Variants in CNTLN observed in about 807,000 individuals in gnomAD.
CNTLN encodes centlein, centrosomal protein.
A neutral mutation model predicts 180.0 loss-of-function variants in CNTLN; 212 were observed. The observed-to-expected ratio is 1.18, with a 90% CI of 1.05 to 1.32. The LOEUF (loss-of-function observed/expected upper bound fraction) is 1.32. Ranked by LOEUF, CNTLN falls within the 40% of genes most tolerant of loss-of-function variation. The pLI, the probability that CNTLN is intolerant of heterozygous loss-of-function variation, is 0.00. For synonymous variants in CNTLN, 722 were observed against 563.1 expected (o/e 1.28, Z -3.99); for missense variants, 2,095 against 1,610.9 (o/e 1.30, Z -5.14).
intron 15 of CNTLN, among the ~76,000 whole-genome samples, chr9:17,397,717 C>A (rs556858534): frequency 6.6e-6 from 1 of 152,202 alleles, no homozygotes; most frequent in African/African-American, 2.4e-5. Context: ...TGGAGTTGCT[C>A]TGTTTCAAAC....
intron 1 of CNTLN, among the ~76,000 whole-genome samples, chr9:17,138,875 G>C (rs1282582541): frequency 6.6e-6 from 1 of 152,112 alleles, no homozygotes; most frequent in East Asian, 1.9e-4. Flanking sequence ...TGTTTGTATA[G>C]ATGGTATCTA....
chr9:17,527,816 A>G, the CNTLN span, among the ~76,000 whole-genome samples: 20 of 152,226 alleles, frequency 1.3e-4, no homozygotes, highest in African/African-American at 4.8e-4. Flanking sequence ...TAGTGCCAGA[A>G]GGTAAGACAG....
intron 18 of CNTLN, among the ~76,000 whole-genome samples, chr9:17,424,268 C>G (rs1344143302): frequency 6.6e-6 from 1 of 152,092 alleles, no homozygotes; most frequent in African/African-American, 2.4e-5. Context: ...GTAAGGCAGA[C>G]TATATTGACT....
chr9:17,298,512 T>C lies in CNTLN; in HGVS notation c.1146+160T>C. On this transcript the variant is annotated intron_variant, in intron 7 of 25. Coordinates refer to ENST00000380647, the MANE Select transcript of CNTLN (RefSeq NM_017738.4). ...TGAAGGATGGTTCAATTTGATAACA[T>C]TTAAAATTTTTTGAATTTTCTTTAT... 4 of 1,315,460 alleles carry C rather than the reference T, an allele frequency of 3.0e-6. No individual in the cohort carries two copies. In the South Asian group the frequency reaches 8.7e-5, roughly 28 times the overall value. The allele number at this position is 1,315,460 out of a possible 1,614,324, so 81.5% of individuals were successfully genotyped here. A position where few individuals can be genotyped will look rare whatever the true frequency, so the allele number is the denominator to read the frequency against.
rs1262807145 is a variant in CNTLN at position 17,401,243 on chromosome 9, G to T, written c.2615+6174G>T. 2.6e-5 allele frequency among the ~76,000 whole-genome samples: 4 copies of T among 152,096 alleles called. No individual in the cohort carries two copies. In the East Asian group the frequency reaches 7.7e-4, roughly 29 times the overall value. On this transcript the variant is annotated intron_variant, in intron 15 of 25. Transcript: ENST00000380647. ...CCTTTCATGTTGTTAAGTTTTTGAT[G>T]GATGACCAGACTATATATACATAGC...
chr9:17,185,146 G>T (rs950539258), intron 2 of CNTLN, among the ~76,000 whole-genome samples: 1 of 152,182 alleles, frequency 6.6e-6, no homozygotes, highest in African/African-American at 2.4e-5. Flanking sequence ...GAAATTTTCT[G>T]TTGAAACCTG....
At chr9:17,370,991 G>A (rs911645711) in intron 13 of CNTLN, among the ~76,000 whole-genome samples, 10 of 151,990 alleles carry the variant, frequency 6.6e-5, no homozygotes, top group East Asian at 1.9e-4. Context: ...TAAAATTTTC[G>A]TTTTATTTTA....
At chr9:17,239,343 C>G (rs553662940) in intron 5 of CNTLN, among the ~76,000 whole-genome samples, 1 of 152,186 alleles carries the variant, frequency 6.6e-6, no homozygotes, top group South Asian at 2.1e-4. Flanking sequence ...AATGTCTATT[C>G]AAATCTTTTG....
At position 17,328,869 on chromosome 9, in the gene CNTLN, ATTG is replaced by A. The variant is rs1224510557; in HGVS notation, c.1342-1760_1342-1758del. 2.0e-5 allele frequency among the ~76,000 whole-genome samples: 3 copies of A among 151,958 alleles called. No homozygotes were observed. The South Asian group carries it at 6.2e-4, about 32-fold the overall frequency. The stretch of plus-strand genomic sequence containing the variant: ...AAGGAATGCTGCCTAAATATCCTTT[ATTG>A]TTATCAAAAATATTAATATCATTAA... On this transcript the variant is annotated intron_variant, in intron 8 of 25. Coordinates refer to ENST00000380647, the MANE Select transcript of CNTLN (RefSeq NM_017738.4).
chr9:17,381,437 ATTAAG>A (rs1159124265), intron 13 of CNTLN, among the ~76,000 whole-genome samples: 3 of 152,236 alleles, frequency 2.0e-5, no homozygotes, highest in Non-Finnish European at 2.9e-5. Flanking sequence ...TATAAAATTT[ATTAAG>A]TTATTAGGTA....
At chr9:17,349,170 A>G (rs1822164771) in intron 12 of CNTLN, among the ~76,000 whole-genome samples, 1 of 152,058 alleles carries the variant, frequency 6.6e-6, no homozygotes, top group Non-Finnish European at 1.5e-5. Context: ...CTACTTTTCA[A>G]AGTCTCATGT....
chr9:17,262,967 A>T (rs1017450258), intron 5 of CNTLN, among the ~76,000 whole-genome samples: 1 of 151,442 alleles, frequency 6.6e-6, no homozygotes, highest in Admixed American at 6.6e-5. Flanking sequence ...TGAGATGATC[A>T]TATGGTTTTG....
In CNTLN at chr9:17,503,642, C is replaced by A. The variant is rs563702325; in HGVS notation, c.*990C>A. ...AGCTTACTATTTTATTTCCTCATAG[C>A]ACAAAATTATCTATCTGTTCATGTA... is the stretch of plus-strand genomic sequence containing the variant. On this transcript the variant is annotated 3_prime_UTR_variant, in exon 26 of 26. Transcript: ENST00000380647. 1 of 152,666 alleles carries A rather than the reference C, an allele frequency of 6.6e-6. No homozygotes were observed. Among genetic ancestry groups the A allele is most frequent in the African/African-American group, 2.4e-5 (1 of 41,556 alleles). The allele number at this position is 152,666 out of a possible 1,614,324, so 9.5% of individuals were successfully genotyped here. A position where few individuals can be genotyped will look rare whatever the true frequency, so the allele number is the denominator to read the frequency against.
chr9:17,461,148 A>T (rs1021783774), intron 19 of CNTLN, among the ~76,000 whole-genome samples: 1 of 151,494 alleles, frequency 6.6e-6, no homozygotes, highest in African/African-American at 2.4e-5. Flanking sequence ...ATATTAGTAT[A>T]TCATATATAA....
At chr9:17,372,939 A>G (rs1824450113) in intron 13 of CNTLN, among the ~76,000 whole-genome samples, 1 of 152,188 alleles carries the variant, frequency 6.6e-6, no homozygotes, top group Non-Finnish European at 1.5e-5. Flanking sequence ...CTTTCATGAG[A>G]AAATCTCTCA....
In CNTLN at chr9:17,135,160, A is replaced by T. The variant is rs767386409; in HGVS notation, c.95A>T (p.His32Leu). 1.9e-6 allele frequency: 3 copies of T among 1,609,612 alleles called. No homozygotes were observed. Among genetic ancestry groups the T allele is most frequent in the South Asian group, 2.2e-5 (2 of 89,850 alleles). The change falls in exon 1 of 26, where the codon CAC becomes CTC. Residue 32 changes from histidine (H) to leucine (L), a missense_variant. Coordinates refer to ENST00000380647, the MANE Select transcript of CNTLN (RefSeq NM_017738.4). ...CGTGTTGGGCGGGGAGCTGAAGTACACGCAATGCGCAGCGAGGCCTCGGGT... is the reference window on the plus strand; with the variant it reads ...CGTGTTGGGCGGGGAGCTGAAGTACTCGCAATGCGCAGCGAGGCCTCGGGT... ...SPRVGRGAEV[H>L]AMRSEASGFA...
At chr9:17,310,892 A>G (rs547344774) in intron 8 of CNTLN, among the ~76,000 whole-genome samples, 2 of 152,032 alleles carry the variant, frequency 1.3e-5, no homozygotes, top group South Asian at 4.2e-4. Context: ...ATTTTTTCTT[A>G]CTGATTTTCA....
At chr9:17,340,753 G>A (rs994893356) in intron 10 of CNTLN, 74 bp from the exon 11 acceptor site, 2 of 1,264,662 alleles carry the variant, frequency 1.6e-6, no homozygotes, top group South Asian at 1.9e-5. Context: ...ATTTAGATGG[G>A]TAACCTTTTA....
chr9:17,240,128 A>AT (rs1209269073), intron 5 of CNTLN, among the ~76,000 whole-genome samples: 1 of 145,540 alleles, frequency 6.9e-6, no homozygotes, highest in Non-Finnish European at 1.5e-5. Flanking sequence ...TTGGTCTTCA[A>AT]TTTTTTCAGT....
Sources: gnomAD v4.1 joint callset for allele counts (sites outside exome capture counted in the v4.1 genomes callset) on GRCh38, gnomAD v4.1.1 for gene constraint, MANE v1.5 for transcripts, NCBI Gene and HGNC (gene_info 2026-07-23, HGNC 2026-07-21) for gene names.